The following UBE4B variants were observed in gnomAD, a reference collection of about 807,000 sequenced individuals.
UBE4B encodes ubiquitination factor E4B.
Under a neutral mutation model 148.1 loss-of-function variants are expected in UBE4B, and 27 were observed. The ratio of observed to expected loss-of-function variants is 0.18; its 90% CI spans 0.13 to 0.25. The LOEUF is 0.25. UBE4B is among the 10% of genes least tolerant of loss of function. The pLI, the probability that UBE4B is intolerant of heterozygous loss-of-function variation, is 1.00. For synonymous variants in UBE4B, 596 were observed against 619.3 expected (o/e 0.96, Z 0.56); for missense variants, 1,170 against 1,662.4 (o/e 0.70, Z 5.15).
In UBE4B at chr1:10,072,171, T is replaced by G. The variant is rs147996327; in HGVS notation, c.168T>G (p.Asn56Lys). The change falls in exon 2 of 28, where the codon AAT becomes AAG. Residue 56 changes from asparagine to lysine, a missense_variant. Physicochemically the swap from Asn to Lys is moderately conservative, Grantham distance 94. Around this residue, in one of 6 missense-constraint regions of UBE4B, gnomAD observed 127 missense variants for 153.2 expected, o/e 0.83. Coordinates refer to ENST00000343090, the MANE Select transcript of UBE4B (RefSeq NM_001105562.3). Reference protein sequence around the residue: ...APGPSQSLGLNVHNMTPATSP... With the variant: ...APGPSQSLGLKVHNMTPATSP... ...GACCCTCTCAGAGTCTTGGTCTCAA[T>G]GTCCACAACATGACCCCAGCTACCT... is the stretch of plus-strand genomic sequence containing the variant. The G allele has an allele frequency of 2.9e-5, 47 of 1,613,782 alleles. No homozygotes were observed. The highest frequency in any genetic ancestry group is 1.7e-5 in the Admixed American group (1 of 59,900).
At chr1:10,065,852 T>C (rs1161089287) in intron 1 of UBE4B, among the ~76,000 whole-genome samples, 1 of 152,242 alleles carries the variant, frequency 6.6e-6, no homozygotes, top group African/African-American at 2.4e-5. Flanking sequence ...ATGTTCATTA[T>C]AATGTAAATC....
At chr1:10,108,828 A>G (rs1019153859) in intron 7 of UBE4B, among the ~76,000 whole-genome samples, 4 of 152,192 alleles carry the variant, frequency 2.6e-5, no homozygotes, top group East Asian at 1.9e-4. Flanking sequence ...ATCCTATTGC[A>G]TGATTATAGT....
chr1:10,171,045 A>G (rs1571028836), intron 24 of UBE4B, 93 bp from the exon 25 acceptor site: 2 of 1,357,398 alleles, frequency 1.5e-6, no homozygotes, highest in East Asian at 4.6e-5. Flanking sequence ...GATTAATCCA[A>G]CCAATTCCTG....
At chr1:10,174,702 CAA>C (rs1024868484) in intron 25 of UBE4B, among the ~76,000 whole-genome samples, 25,774 of 79,918 alleles carry the variant, frequency 0.32, 3,464 homozygotes, top group African/African-American at 0.52. Flanking sequence ...AACTCCGTCT[CAA>C]AAAAAAAAAA....
At chr1:10,059,422 G>C (rs567563457) in intron 1 of UBE4B, 1 of 211,156 alleles carries the variant, frequency 4.7e-6, no homozygotes, top group Admixed American at 4.4e-5. Flanking sequence ...CCAGATCCAG[G>C]AGGGGAAACA....
At chr1:10,129,859 G>T (rs1645563265) in intron 12 of UBE4B, among the ~76,000 whole-genome samples, 1 of 151,956 alleles carries the variant, frequency 6.6e-6, no homozygotes, top group Non-Finnish European at 1.5e-5. Flanking sequence ...TACCATGTTG[G>T]CCAGGCTGGT....
intron 25 of UBE4B, among the ~76,000 whole-genome samples, chr1:10,172,724 G>A (rs1035513783): frequency 3.9e-5 from 6 of 151,998 alleles, no homozygotes; most frequent in African/African-American, 1.4e-4. Context: ...GCTTTATTGA[G>A]CTATAACTCA....
chr1:10,147,261 G>A (rs950318402), intron 19 of UBE4B, among the ~76,000 whole-genome samples, 171 bp downstream of exon 19: 1 of 152,182 alleles, frequency 6.6e-6, no homozygotes, highest in Non-Finnish European at 1.5e-5. Flanking sequence ...GGGAGGCTGA[G>A]GCAGATGGAT....
In UBE4B at chr1:10,033,033, G is replaced by C; in HGVS notation, c.-638G>C. The C allele has an allele frequency of 6.6e-6, 1 of 152,254 alleles. No individual in the cohort carries two copies. Among genetic ancestry groups the C allele is most frequent in the East Asian group, 1.9e-4 (1 of 5,198 alleles). 9.4% of individuals were successfully genotyped at this position (152,254 alleles called of 1,614,324 possible). On this transcript the variant is annotated 5_prime_UTR_variant, in exon 1 of 28. Transcript: ENST00000343090. ...GCGAGGGGGAAAGAGTAGGGGTGGA[G>C]GGGTAGGAGGATTTACTCTTCCAGC...
At chr1:10,121,094 G>C (rs1467240733) in intron 9 of UBE4B, among the ~76,000 whole-genome samples, 5 of 152,090 alleles carry the variant, frequency 3.3e-5, no homozygotes, top group Non-Finnish European at 7.4e-5. Flanking sequence ...GCCAGGCGTG[G>C]TGGCTTACAT....
At chr1:10,164,862 T>C (rs374006800) in intron 23 of UBE4B, among the ~76,000 whole-genome samples, 1 of 152,250 alleles carries the variant, frequency 6.6e-6, no homozygotes, top group African/African-American at 2.4e-5. Context: ...ATTTTGAGCC[T>C]AGTGGAATTT....
At chr1:10,079,515 A>G (rs1357288646) in intron 2 of UBE4B, among the ~76,000 whole-genome samples, 1 of 152,224 alleles carries the variant, frequency 6.6e-6, no homozygotes, top group East Asian at 1.9e-4. Context: ...TTATATAGGA[A>G]TATAATTATC....
chr1:10,159,041 C>A (rs1030983272), intron 22 of UBE4B, among the ~76,000 whole-genome samples: 2 of 150,578 alleles, frequency 1.3e-5, no homozygotes, highest in Non-Finnish European at 3.0e-5. Flanking sequence ...AAGAAAAGAT[C>A]CTATAAATAT....
chr1:10,155,492 G>T (rs1425352983), intron 21 of UBE4B, among the ~76,000 whole-genome samples: 1 of 152,164 alleles, frequency 6.6e-6, no homozygotes, highest in Non-Finnish European at 1.5e-5. Context: ...AGGTCCCCCT[G>T]GCTACTGTGC....
chr1:10,168,355 T>G lies in UBE4B; in HGVS notation c.3333+85T>G. 1 of 1,513,056 alleles carries G rather than the reference T, an allele frequency of 6.6e-7. No homozygotes were observed. Among genetic ancestry groups the G allele is most frequent in the African/African-American group, 1.4e-5 (1 of 71,754 alleles). 93.7% of individuals were successfully genotyped at this position (1,513,056 alleles called of 1,614,324 possible). On this transcript the variant is annotated intron_variant, in intron 24 of 27. Transcript: ENST00000343090. This position sits in a 1 kb window ranked among gnomAD's most constrained non-coding sequence, Gnocchi z 4.9. ...TTATAACTTTAGCAGTTGTTGAAGT[T>G]CTGGAAATTTTAGGATCACAGTCAT...
chr1:10,043,731 A>G (rs1357547807), intron 1 of UBE4B, among the ~76,000 whole-genome samples: 2 of 152,018 alleles, frequency 1.3e-5, no homozygotes, highest in African/African-American at 4.8e-5. Context: ...CTGGGCCGGG[A>G]TGCTTCTTAT....
chr1:10,129,278 G>A (rs1415397904), intron 11 of UBE4B, 114 bp from the exon 12 acceptor site: 1 of 820,368 alleles, frequency 1.2e-6, no homozygotes. Context: ...GAATGCATGT[G>A]TGCCATTTTA....
At chr1:10,121,083 G>T (rs545539754) in intron 9 of UBE4B, among the ~76,000 whole-genome samples, 1 of 151,922 alleles carries the variant, frequency 6.6e-6, no homozygotes, top group South Asian at 2.1e-4. Flanking sequence ...CATATAATAC[G>T]GCCAGGCGTG....
intron 21 of UBE4B, among the ~76,000 whole-genome samples, chr1:10,153,942 C>T (rs1167195340): frequency 6.6e-6 from 1 of 152,176 alleles, no homozygotes; most frequent in Non-Finnish European, 1.5e-5. Context: ...ATTAGCCTGG[C>T]ATGGTGGCAC....
Sources: allele counts gnomAD v4.1 joint callset (sites outside exome capture counted in the v4.1 genomes callset), GRCh38; gene constraint gnomAD v4.1.1; regional missense constraint gnomAD v4.1.1; non-coding constraint Gnocchi (gnomAD v3.1); transcripts MANE v1.5; gene names NCBI Gene and HGNC (gene_info 2026-07-23, HGNC 2026-07-21).